POSTN: variants seen among roughly 807,000 people sequenced by gnomAD.
POSTN encodes the protein osteoblast specific factor 2 (fasciclin I-like).
In POSTN, 71 loss-of-function variants were observed where a neutral mutation model predicts 104.5. The ratio of observed to expected loss-of-function variants is 0.68; its 90% CI spans 0.56 to 0.83. The LOEUF is 0.83. Among genes scored for constraint, POSTN ranks in the 40% least tolerant of loss-of-function variants. The pLI is 0.00. For synonymous variants in POSTN, 355 were observed against 340.7 expected, an observed-to-expected ratio of 1.04 and a Z score of -0.46; for missense variants, 949 against 1,006.8, an observed-to-expected ratio of 0.94 and a Z score of 0.78.
intron 18 of POSTN, chr13:37,570,895 T>G (rs759763435): frequency 1.8e-4 from 82 of 456,062 alleles, no homozygotes; most frequent in Non-Finnish European, 2.9e-4. Context: ...TTTGACATCC[T>G]AACTCTCCAT....
chr13:37,576,181 T>C (rs1021704818), intron 16 of POSTN, among the ~76,000 whole-genome samples: 1 of 152,094 alleles, frequency 6.6e-6, no homozygotes, highest in African/African-American at 2.4e-5. Context: ...ACTATACACT[T>C]TAAAATGGAT....
chr13:37,585,043 G>A (rs967022322), intron 7 of POSTN, 115 bp from the exon 8 acceptor site: 4 of 1,445,436 alleles, frequency 2.8e-6, no homozygotes, highest in Non-Finnish European at 3.6e-6. Context: ...TAAAACCTAA[G>A]GATTCACTAA....
chr13:37,584,227 A>G (rs1385946946), intron 8 of POSTN, 124 bp from the exon 9 acceptor site: 2 of 1,196,642 alleles, frequency 1.7e-6, no homozygotes, highest in African/African-American at 3.1e-5. Context: ...TGTCAGTGTG[A>G]TAAGACATCC....
chr13:37,580,526 C>G, intron 11 of POSTN, 35 bp downstream of exon 11: 3 of 1,612,006 alleles, frequency 1.9e-6, no homozygotes, highest in South Asian at 2.2e-5. Flanking sequence ...GCCAATAGCT[C>G]TCATTCTCTG....
intron 22 of POSTN, 81 bp downstream of exon 22, chr13:37,564,438 T>C (rs905288062): frequency 1.0e-5 from 8 of 791,168 alleles, no homozygotes; most frequent in African/African-American, 1.8e-5. Context: ...TAAAATACTT[T>C]AAAATCTTTC....
At chr13:37,586,114 C>T in intron 7 of POSTN, 25 bp downstream of exon 7, 1 of 1,594,630 alleles carries the variant, frequency 6.3e-7, no homozygotes. Flanking sequence ...TGGGAGACTC[C>T]TTAGAGATGA....
intron 2 of POSTN, among the ~76,000 whole-genome samples, chr13:37,594,557 A>G (rs1951032630): frequency 6.6e-6 from 1 of 152,124 alleles, no homozygotes; most frequent in Admixed American, 6.6e-5. Context: ...AGCTCTAAAC[A>G]TGAGAAATTT....
intron 21 of POSTN, among the ~76,000 whole-genome samples, chr13:37,566,494 A>T (rs552405559): frequency 6.6e-6 from 1 of 152,160 alleles, no homozygotes. Context: ...AGAGCTTGTC[A>T]TATATTAACT....
rs997178343 is a variant in POSTN at position 37,580,552 on chromosome 13, T to C, written c.1529+9A>G. 7.4e-6 allele frequency: 12 copies of C among 1,614,060 alleles called. No individual in the cohort carries two copies. Among genetic ancestry groups the C allele is most frequent in the Non-Finnish European group, 1.0e-5 (12 of 1,179,916 alleles). On this transcript the variant is annotated intron_variant, in intron 11 of 22. Coordinates refer to ENST00000379747, the MANE Select transcript of POSTN (RefSeq NM_006475.3). ...TCATTCTCTGTGGAGGTGCCACTAA[T>C]AGGCTTACCTAAAGCGCTTATCTTG...
At position 37,584,875 on chromosome 13, in the gene POSTN, C is replaced by T. The variant is rs1950700249; in HGVS notation, c.949G>A (p.Gly317Arg). The T allele has an allele frequency of 2.5e-6, 4 of 1,613,704 alleles. No homozygotes were observed. Among genetic ancestry groups the T allele is most frequent in the Non-Finnish European group, 3.4e-6 (4 of 1,179,924 alleles). The change falls in exon 8 of 23, where the codon GGA becomes AGA. Residue 317 changes from glycine (G) to arginine (R), a missense_variant. Coordinates refer to ENST00000379747, the MANE Select transcript of POSTN (RefSeq NM_006475.3). ...NTLQCSESIMGGAVFETLEGN... is the reference protein window; with the variant it reads ...NTLQCSESIMRGAVFETLEGN... ...TCCAGCGTCTCAAAGACTGCTCCTC[C>T]CATAATAGACTCAGAACACTGGAGA...
intron 5 of POSTN, among the ~76,000 whole-genome samples, chr13:37,587,187 T>C (rs1387931732): frequency 6.6e-6 from 1 of 152,210 alleles, no homozygotes; most frequent in East Asian, 1.9e-4. Context: ...AGGTGTTTTT[T>C]TCATTTAAAT....
chr13:37,580,313 A>C (rs532560918), intron 11 of POSTN, among the ~76,000 whole-genome samples: 2 of 152,358 alleles, frequency 1.3e-5, no homozygotes, highest in African/African-American at 4.8e-5. Flanking sequence ...ATTTCTAAAA[A>C]CTATAAGAAA....
In POSTN at chr13:37,584,725, G is replaced by A. The variant is rs1349419862; in HGVS notation, c.1099C>T (p.Pro367Ser). 1 of 1,612,616 alleles carries A rather than the reference G, an allele frequency of 6.2e-7. No individual in the cohort carries two copies. ...VIHLIDQVLI[P>S]DSAKQVIELA... ...AAAAAAAGTTGCTTACCAGAATCAG[G>A]AATTAGGACCTGATCAATCAAATGG... is the stretch of plus-strand genomic sequence containing the variant. Residue 367 changes from proline to serine, a missense_variant, in exon 8 of 23, where the codon CCT becomes TCT. Coordinates refer to ENST00000379747, the MANE Select transcript of POSTN (RefSeq NM_006475.3).
chr13:37,584,681 AAAAAAC>A (rs764969534), intron 8 of POSTN, 29 bp downstream of exon 8: 278 of 1,554,600 alleles, frequency 1.8e-4, no homozygotes, highest in Non-Finnish European at 2.4e-4. Flanking sequence ...ACAGTAAGTA[AAAAAAC>A]AAAAACAAAA....
In POSTN at chr13:37,582,346, T is replaced by C. The variant is rs1263494967; in HGVS notation, c.1392+20A>G. 6.3e-7 allele frequency: 1 copy of C among 1,585,670 alleles called. No individual in the cohort carries two copies. Among genetic ancestry groups the C allele is most frequent in the Admixed American group, 1.9e-5 (1 of 51,402 alleles). On this transcript the variant is annotated intron_variant, in intron 10 of 22. Transcript: ENST00000379747. ...GACATGTCATTTGACAGACTTTTTA[T>C]TTTGTTGTGATTCACTTACTGTACG...
chr13:37,571,286 A>G (rs1950255081), intron 18 of POSTN, 83 bp downstream of exon 18: 2 of 885,142 alleles, frequency 2.3e-6, no homozygotes, highest in African/African-American at 1.7e-5. Flanking sequence ...AGAAAATATC[A>G]GATGTTCAAT....
chr13:37,590,506 C>T lies in POSTN; in HGVS notation c.307G>A (p.Gly103Ser), dbSNP rs770240937. 5.0e-6 allele frequency: 8 copies of T among 1,612,116 alleles called. No homozygotes were observed. Among genetic ancestry groups the T allele is most frequent in the East Asian group, 2.2e-5 (1 of 44,788 alleles). ...GTGGCTCCCACGATGCCCAGAGTGCCATAAACATGGTCAATGGGCAAAACT... is the reference window on the plus strand; with the variant it reads ...GTGGCTCCCACGATGCCCAGAGTGCTATAAACATGGTCAATGGGCAAAACT... ...PAVLPIDHVY[G>S]TLGIVGATTT... Residue 103 changes from glycine to serine, a missense_variant, in exon 4 of 23, where the codon GGC (glycine) becomes AGC (serine). By Grantham distance (56) the Gly-to-Ser change is moderately conservative. Coordinates refer to ENST00000379747, the MANE Select transcript of POSTN (RefSeq NM_006475.3).
intron 3 of POSTN, among the ~76,000 whole-genome samples, chr13:37,590,884 A>G (rs1410051810): frequency 2.6e-5 from 4 of 152,152 alleles, no homozygotes; most frequent in African/African-American, 9.6e-5. Context: ...TTGGGTCCCT[A>G]AAAATATGTA....
chr13:37,588,350 T>C (rs868298980), intron 4 of POSTN, among the ~76,000 whole-genome samples: 1 of 152,208 alleles, frequency 6.6e-6, no homozygotes, highest in African/African-American at 2.4e-5. Context: ...ACATTATATT[T>C]GTATGCAACA....
Sources: allele counts gnomAD v4.1 joint callset (sites outside exome capture counted in the v4.1 genomes callset), GRCh38; gene constraint gnomAD v4.1.1; transcripts MANE v1.5; gene names NCBI Gene and HGNC (gene_info 2026-07-23, HGNC 2026-07-21).